KCNQ4: variants seen among roughly 807,000 people sequenced by gnomAD.
KCNQ4 encodes potassium voltage-gated channel subfamily Q member 4.
A neutral mutation model predicts 72.6 loss-of-function variants in KCNQ4; 31 were observed. The ratio of observed to expected loss-of-function variants is 0.43; its 90% CI spans 0.32 to 0.58. The LOEUF is 0.58. KCNQ4 is among the 20% of genes least tolerant of loss of function. The probability of loss-of-function intolerance (pLI) is 0.08; values close to 1 mark genes in which losing one functional copy is unlikely to be tolerated. For synonymous variants in KCNQ4, 405 were observed against 403.7 expected (o/e 1.00, Z -0.04); for missense variants, 869 against 962.6 (o/e 0.90, Z 1.29).
Position 40,833,047 on chromosome 1 carries a change from G to A in KCNQ4, c.1547G>A (p.Ser516Asn), listed in dbSNP as rs751860374. The change falls in exon 11 of 14, where the codon AGC (serine) becomes AAC (asparagine). Residue 516 changes from serine to asparagine, a missense_variant. Coordinates refer to ENST00000347132, the MANE Select transcript of KCNQ4 (RefSeq NM_004700.4). ...TCAGAGGAAGTAGCAGAGGAGAAGA[G>A]CTACCAGTGTGAGCTCACGGTGGAC... Reference protein sequence around the residue: ...APSEEVAEEKSYQCELTVDDI... With the variant: ...APSEEVAEEKNYQCELTVDDI... The A allele has an allele frequency of 1.9e-6, 3 of 1,613,628 alleles. No individual in the cohort carries two copies. Among genetic ancestry groups the A allele is most frequent in the Admixed American group, 1.7e-5 (1 of 60,024 alleles).
In KCNQ4 at chr1:40,839,094, C is replaced by G. The variant is rs1648901135; in HGVS notation, c.*571C>G. 1 of 162,380 alleles carries G rather than the reference C, an allele frequency of 6.2e-6. No individual in the cohort carries two copies. Among genetic ancestry groups the G allele is most frequent in the African/African-American group, 2.4e-5 (1 of 41,568 alleles). 10.1% of individuals were successfully genotyped at this position (162,380 alleles called of 1,614,324 possible). ...CCCCATGGGGTCTCTCTGTCCCTCC[C>G]CCATTGGGAGCTGGGCCCCCAGCAG... On this transcript the variant is annotated 3_prime_UTR_variant, in exon 14 of 14. Transcript: ENST00000347132.
intron 1 of KCNQ4, among the ~76,000 whole-genome samples, chr1:40,804,508 C>T (rs888922910): frequency 1.3e-5 from 2 of 152,124 alleles, no homozygotes; most frequent in East Asian, 1.9e-4. Flanking sequence ...TTGCCACTTC[C>T]GCTTCCCCTC....
At chr1:40,821,677 G>A (rs1016972468) in intron 7 of KCNQ4, among the ~76,000 whole-genome samples, 2 of 152,208 alleles carry the variant, frequency 1.3e-5, no homozygotes, top group African/African-American at 4.8e-5. Context: ...ATGACATTCT[G>A]CAAACATTTG....
chr1:40,828,064 C>T (rs560307958), intron 9 of KCNQ4, among the ~76,000 whole-genome samples: 23 of 152,254 alleles, frequency 1.5e-4, no homozygotes, highest in African/African-American at 3.6e-4. Flanking sequence ...AGGCCAGTGG[C>T]GAGGCTGTTT....
chr1:40,817,135 A>G lies in KCNQ4; in HGVS notation c.315-130A>G, dbSNP rs867027515. The G allele has an allele frequency of 2.6e-6, 2 of 769,190 alleles. No homozygotes were observed. The highest frequency in any genetic ancestry group is 5.0e-4 in the Middle Eastern group (2 of 3,974). The allele number at this position is 769,190 out of a possible 1,614,324, so 47.6% of individuals were successfully genotyped here. On this transcript the variant is annotated intron_variant, in intron 1 of 13. Coordinates refer to ENST00000347132, the MANE Select transcript of KCNQ4 (RefSeq NM_004700.4). The surrounding 1 kb of genome is among the most constrained non-coding windows in gnomAD (Gnocchi z 5.5). ...CAGAGCTGTAACTCCAGGGAATTCC[A>G]ATTCTGATTTCCACATAATTTTCTG... is the stretch of plus-strand genomic sequence containing the variant.
intron 5 of KCNQ4, 33 bp downstream of exon 5, chr1:40,819,505 C>T (rs559601705): frequency 6.8e-6 from 11 of 1,612,136 alleles, no homozygotes; most frequent in Admixed American, 6.7e-5. Flanking sequence ...CTGCCCTTCT[C>T]CCTGGGATCC....
chr1:40,829,702 C>T (rs1160119186), intron 9 of KCNQ4, among the ~76,000 whole-genome samples: 1 of 152,210 alleles, frequency 6.6e-6, no homozygotes, highest in African/African-American at 2.4e-5. Context: ...ACTCCTGCCC[C>T]ACTTCAGGTC....
chr1:40,794,514 C>G lies in KCNQ4; in HGVS notation c.314+10107C>G, dbSNP rs1294467871. On this transcript the variant is annotated intron_variant, in intron 1 of 13. Transcript: ENST00000347132. The surrounding 1 kb of genome is among the most constrained non-coding windows in gnomAD (Gnocchi z 4.2). Reference sequence around the variant, plus strand: ...CTGTGGTCGAGTCAAGACTCAAACCCATGTCGGCATCAGGGCCAAGCCCGA... The same window carrying G: ...CTGTGGTCGAGTCAAGACTCAAACCGATGTCGGCATCAGGGCCAAGCCCGA... Among the ~76,000 whole-genome samples, 3 of 152,186 alleles carry G rather than the reference C, an allele frequency of 2.0e-5. No homozygotes were observed. Among genetic ancestry groups the G allele is most frequent in the Non-Finnish European group, 4.4e-5 (3 of 68,030 alleles).
rs953720815 is a variant in KCNQ4 at position 40,821,497 on chromosome 1, G to T, written c.1042-817G>T. On this transcript the variant is annotated intron_variant, in intron 7 of 13. Transcript: ENST00000347132. ...CTTCCTACGTGGAGGGAGAGGGACA[G>T]TCTCTCCTCCTGTCTGACTTTCATC... Among the ~76,000 whole-genome samples the T allele has an allele frequency of 2.6e-5, 4 of 152,140 alleles. No homozygotes were observed. The South Asian group carries it at 6.2e-4, about 24-fold the overall frequency.
In KCNQ4 at chr1:40,837,860, G is replaced by A. The variant is rs1250686927; in HGVS notation, c.1875+66G>A. 7 of 1,558,342 alleles carry A rather than the reference G, an allele frequency of 4.5e-6. No individual in the cohort carries two copies. In the Admixed American group the frequency reaches 9.7e-5, roughly 22 times the overall value. On this transcript the variant is annotated intron_variant, in intron 13 of 13. Transcript: ENST00000347132. ...AGCTCTGGGGGCCGCGGTGACATGG[G>A]GAGGATGCGTTTCCCACAGCCACAG...
At position 40,784,370 on chromosome 1, in the gene KCNQ4, C is replaced by G. The variant is rs2148830763; in HGVS notation, c.277C>G (p.Arg93Gly). 6.2e-7 allele frequency: 1 copy of G among 1,609,978 alleles called. No homozygotes were observed. The change falls in exon 1 of 14, where the codon CGG (arginine) becomes GGG (glycine). Residue 93 changes from arginine (R) to glycine (G), a missense_variant. Coordinates refer to ENST00000347132, the MANE Select transcript of KCNQ4 (RefSeq NM_004700.4). This position sits in a 1 kb window ranked among gnomAD's most constrained non-coding sequence, Gnocchi z 4.1. ...GAACTGGGTCTACAACGTGCTGGAG[C>G]GGCCCCGCGGCTGGGCCTTCGTCTA... ...LQNWVYNVLE[R>G]PRGWAFVYHV...
Position 40,831,113 on chromosome 1 carries a change from G to T in KCNQ4, c.1322G>T (p.Arg441Leu), listed in dbSNP as rs201271940. 4 of 1,605,882 alleles carry T rather than the reference G, an allele frequency of 2.5e-6. No homozygotes were observed. Among genetic ancestry groups the T allele is most frequent in the Admixed American group, 1.7e-5 (1 of 59,210 alleles). The change falls in exon 10 of 14, where the codon CGC (arginine) becomes CTC (leucine). Residue 441 changes from arginine to leucine, a missense_variant. Physicochemically the swap from Arg to Leu is moderately radical, Grantham distance 102. Around this residue, in one of 5 missense-constraint regions of KCNQ4, gnomAD observed 480 missense variants for 501.9 expected, o/e 0.96. Coordinates refer to ENST00000347132, the MANE Select transcript of KCNQ4 (RefSeq NM_004700.4). ...SSRMGIKDRI[R>L]MGSSQRRTGP... Reference sequence around the variant, plus strand: ...CGGATGGGCATCAAAGACCGCATCCGCATGGGCAGCTCCCAGCGGCGGACG... The same window carrying T: ...CGGATGGGCATCAAAGACCGCATCCTCATGGGCAGCTCCCAGCGGCGGACG...
At chr1:40,828,560 T>G (rs75576650) in intron 9 of KCNQ4, among the ~76,000 whole-genome samples, 1 of 152,202 alleles carries the variant, frequency 6.6e-6, no homozygotes, top group Non-Finnish European at 1.5e-5. Flanking sequence ...TGGGTTCCAG[T>G]TCTTGCTCCA....
At chr1:40,825,629 C>T (rs758300359) in intron 9 of KCNQ4, among the ~76,000 whole-genome samples, 8 of 151,996 alleles carry the variant, frequency 5.3e-5, no homozygotes, top group Non-Finnish European at 1.2e-4. Context: ...GCTGAGAGCT[C>T]CCTGGGAGAG....
chr1:40,818,726 G>A (rs768866673), intron 4 of KCNQ4, 46 bp downstream of exon 4: 10 of 1,551,424 alleles, frequency 6.4e-6, no homozygotes, highest in Non-Finnish European at 7.8e-6. Context: ...CGTGTCTGGG[G>A]CACGACCAGA....
chr1:40,833,673 C>T (rs888440258), intron 11 of KCNQ4, among the ~76,000 whole-genome samples: 3 of 151,890 alleles, frequency 2.0e-5, no homozygotes, highest in African/African-American at 4.8e-5. Flanking sequence ...ATACACCTGC[C>T]CACAAGCCTC....
At chr1:40,801,210 C>T (rs1425212719) in intron 1 of KCNQ4, among the ~76,000 whole-genome samples, 2 of 151,366 alleles carry the variant, frequency 1.3e-5, no homozygotes, top group African/African-American at 4.9e-5. Flanking sequence ...CTGGGCTGAC[C>T]AGGAATGGGA....
At chr1:40,833,587 T>G (rs1363105374) in intron 11 of KCNQ4, among the ~76,000 whole-genome samples, 1 of 152,024 alleles carries the variant, frequency 6.6e-6, no homozygotes, top group Non-Finnish European at 1.5e-5. Flanking sequence ...AGTCTCCATC[T>G]CCAGCCTGCA....
At chr1:40,833,303 G>A (rs1056346313) in intron 11 of KCNQ4, among the ~76,000 whole-genome samples, 190 bp downstream of exon 11, 4 of 152,258 alleles carry the variant, frequency 2.6e-5, no homozygotes, top group Middle Eastern at 3.4e-3. Flanking sequence ...CCAGCTACTT[G>A]GGAGGCTGAG....
Sources: allele counts gnomAD v4.1 joint callset (sites outside exome capture counted in the v4.1 genomes callset), GRCh38; gene constraint gnomAD v4.1.1; regional missense constraint gnomAD v4.1.1; non-coding constraint Gnocchi (gnomAD v3.1); transcripts MANE v1.5; gene names NCBI Gene and HGNC (gene_info 2026-07-23, HGNC 2026-07-21).